The following CMTM8 variants were observed in gnomAD, a reference collection of about 807,000 sequenced individuals.
CMTM8 encodes CKLF-like MARVEL transmembrane domain-containing protein 8.
A neutral mutation model predicts 18.6 loss-of-function variants in CMTM8; 12 were observed. The observed-to-expected ratio is 0.65, with a 90% CI of 0.41 to 1.05. The LOEUF (loss-of-function observed/expected upper bound fraction) is 1.05. Ranked by LOEUF, CMTM8 falls within the 50% of genes least tolerant of loss-of-function variation. The pLI is 0.00. For synonymous variants in CMTM8, 87 were observed against 90.6 expected (o/e 0.96, Z 0.23); for missense variants, 217 against 227.2 (o/e 0.95, Z 0.29).
chr3:32,357,475 A>C lies in CMTM8; in HGVS notation c.250A>C (p.Thr84Pro), dbSNP rs1450553629. The C allele has an allele frequency of 6.2e-7, 1 of 1,614,054 alleles. No homozygotes were observed. Among genetic ancestry groups the C allele is most frequent in the Admixed American group, 1.7e-5 (1 of 60,004 alleles). Residue 84 changes from threonine (T) to proline (P), a missense_variant, in exon 2 of 4, where the codon ACC (threonine) becomes CCC (proline). By Grantham distance (38) the Thr-to-Pro change is conservative. Coordinates refer to ENST00000307526, the MANE Select transcript of CMTM8 (RefSeq NM_178868.5). Reference sequence around the variant, plus strand: ...TGTAGCTGTATTTTACTGGGTCCTCACCGTCTTCTTCCTCATTATCTACAT... The same window carrying C: ...TGTAGCTGTATTTTACTGGGTCCTCCCCGTCTTCTTCCTCATTATCTACAT... ...MFVAVFYWVL[T>P]VFFLIIYITM...
At chr3:32,282,681 C>T (rs1190551077) in intron 1 of CMTM8, among the ~76,000 whole-genome samples, 1 of 152,122 alleles carries the variant, frequency 6.6e-6, no homozygotes, top group African/African-American at 2.4e-5. Context: ...CATGATATTC[C>T]ACTTCCCATT....
At chr3:32,243,630 G>T (rs1469103966) in intron 1 of CMTM8, among the ~76,000 whole-genome samples, 1 of 151,996 alleles carries the variant, frequency 6.6e-6, no homozygotes, top group Non-Finnish European at 1.5e-5. Context: ...CTCAGCTGCA[G>T]TCCACTCAGA....
chr3:32,312,248 A>G (rs1021305379), intron 1 of CMTM8, among the ~76,000 whole-genome samples: 6 of 152,140 alleles, frequency 3.9e-5, no homozygotes, highest in East Asian at 3.9e-4. Context: ...TCTCATTTCA[A>G]TGCCTCCCTA....
intron 1 of CMTM8, among the ~76,000 whole-genome samples, chr3:32,333,209 T>A (rs1696313994): frequency 6.6e-6 from 1 of 152,234 alleles, no homozygotes; most frequent in Non-Finnish European, 1.5e-5. Context: ...AATTTGAATG[T>A]CATGTAATTT....
At chr3:32,344,961 TAGGAGGGTACACACAAAGGACAG>T (rs1020351101) in intron 1 of CMTM8, among the ~76,000 whole-genome samples, 4 of 152,032 alleles carry the variant, frequency 2.6e-5, no homozygotes, top group African/African-American at 9.6e-5. Context: ...GATGTGAGGG[TAGGAGGGTACACACAAAGGACAG>T]AGGAGGGCAG....
At chr3:32,298,974 CA>C (rs1230078345) in intron 1 of CMTM8, among the ~76,000 whole-genome samples, 1 of 133,358 alleles carries the variant, frequency 7.5e-6, no homozygotes, top group Non-Finnish European at 1.6e-5. Flanking sequence ...TTTTTAGAGA[CA>C]GGGGTCCAGG....
intron 1 of CMTM8, among the ~76,000 whole-genome samples, chr3:32,351,361 C>G (rs1696703427): frequency 6.6e-6 from 1 of 152,166 alleles, no homozygotes; most frequent in Non-Finnish European, 1.5e-5. Flanking sequence ...TTTTTATAAT[C>G]TTCTGTTGAG....
intron 1 of CMTM8, among the ~76,000 whole-genome samples, chr3:32,292,945 C>T (rs1702805357): frequency 6.6e-6 from 1 of 152,098 alleles, no homozygotes; most frequent in East Asian, 1.9e-4. Context: ...GCTTCTCTTC[C>T]TGACATGCAT....
chr3:32,360,120 G>A (rs1466204538), intron 2 of CMTM8, among the ~76,000 whole-genome samples: 1 of 152,182 alleles, frequency 6.6e-6, no homozygotes, highest in African/African-American at 2.4e-5. Flanking sequence ...CATATGTGAG[G>A]CACCAGTCAG....
intron 1 of CMTM8, among the ~76,000 whole-genome samples, chr3:32,254,950 T>A (rs1201179377): frequency 6.6e-6 from 1 of 152,234 alleles, no homozygotes; most frequent in Non-Finnish European, 1.5e-5. Flanking sequence ...GCTACTAATC[T>A]ACTGTCTGTC....
intron 1 of CMTM8, among the ~76,000 whole-genome samples, chr3:32,318,467 C>T (rs1695972929): frequency 6.6e-6 from 1 of 151,988 alleles, no homozygotes; most frequent in South Asian, 2.1e-4. Flanking sequence ...GTTTAGGTCT[C>T]AGGAATGGCT....
chr3:32,323,458 A>G (rs1696098811), intron 1 of CMTM8, among the ~76,000 whole-genome samples: 1 of 152,166 alleles, frequency 6.6e-6, no homozygotes, highest in Non-Finnish European at 1.5e-5. Flanking sequence ...GCATGGCCAG[A>G]TTTTGGCTCT....
chr3:32,261,946 G>A (rs146398500), intron 1 of CMTM8, among the ~76,000 whole-genome samples: 17 of 152,266 alleles, frequency 1.1e-4, no homozygotes, highest in East Asian at 5.8e-4. Context: ...GGTTGAAGCC[G>A]CAAGGGATTT....
chr3:32,352,773 T>G (rs114903995), intron 1 of CMTM8, among the ~76,000 whole-genome samples: 5 of 152,316 alleles, frequency 3.3e-5, no homozygotes, highest in African/African-American at 4.8e-5. Context: ...TTACACAGGT[T>G]TGTTCAGTTA....
chr3:32,319,074 A>ATATATATATATATATATATATATTTTTT, intron 1 of CMTM8, among the ~76,000 whole-genome samples: 1 of 31,526 alleles, frequency 3.2e-5, no homozygotes, highest in African/African-American at 1.5e-4. Context: ...ATATATATAT[A>ATATATATATATATATATATATATTTTTT]TTTTTTTTTT....
At chr3:32,350,906 G>A (rs948902337) in intron 1 of CMTM8, among the ~76,000 whole-genome samples, 3 of 152,064 alleles carry the variant, frequency 2.0e-5, no homozygotes, top group Non-Finnish European at 2.9e-5. Context: ...TGATCCACCC[G>A]CCTCAGCCTC....
chr3:32,321,504 C>T (rs1696053373), intron 1 of CMTM8, among the ~76,000 whole-genome samples: 3 of 152,176 alleles, frequency 2.0e-5, no homozygotes, highest in South Asian at 2.1e-4. Context: ...CCCCAGACTC[C>T]ATTTGTTGTG....
chr3:32,336,700 G>A (rs560046953), intron 1 of CMTM8, among the ~76,000 whole-genome samples: 1 of 152,320 alleles, frequency 6.6e-6, no homozygotes, highest in South Asian at 2.1e-4. Context: ...TTTTTATAGG[G>A]ACTCTTGCCT....
chr3:32,254,441 C>T (rs897087251), intron 1 of CMTM8, among the ~76,000 whole-genome samples: 30 of 152,110 alleles, frequency 2.0e-4, no homozygotes, highest in East Asian at 1.9e-4. Flanking sequence ...AGTCTGAGAA[C>T]GTGTCTTTCA....
Sources: allele counts gnomAD v4.1 joint callset (sites outside exome capture counted in the v4.1 genomes callset), GRCh38; gene constraint gnomAD v4.1.1; transcripts MANE v1.5; gene names NCBI Gene and HGNC (gene_info 2026-07-23, HGNC 2026-07-21).